The following HPCAL1 variants were observed in gnomAD, a reference collection of about 807,000 sequenced individuals.
The protein encoded by HPCAL1 is hippocalcin-like protein 1.
Under a neutral mutation model 17.1 loss-of-function variants are expected in HPCAL1, and 8 were observed. That is an observed-to-expected ratio of 0.47 (90% CI 0.27 to 0.84). HPCAL1 has a LOEUF of 0.84. HPCAL1 is among the 40% of genes least tolerant of loss of function. The pLI, the probability that HPCAL1 is intolerant of heterozygous loss-of-function variation, is 0.13. For synonymous variants in HPCAL1, 112 were observed against 111.4 expected, an observed-to-expected ratio of 1.01 and a Z score of -0.03; for missense variants, 165 against 271.1, an observed-to-expected ratio of 0.61 and a Z score of 2.75.
chr2:10,368,572 A>C (rs139776474), intron 1 of HPCAL1: 101 of 152,328 alleles, frequency 6.6e-4, no homozygotes, highest in African/African-American at 2.4e-3. Context: ...AGCTCAGTGC[A>C]GTTCGTCCAC....
rs960180738 is a variant in HPCAL1, at chr2:10,344,454, C to T, written c.-111+41277C>T. ...ACATCTGTTAAGCGCATGCACCAAG[C>T]GGCGATTCCATAGTTGTATAGTGAT... On this transcript the variant is annotated intron_variant, in intron 1 of 4. Transcript: ENST00000307845. This position sits in a 1 kb window ranked among gnomAD's most constrained non-coding sequence, Gnocchi z 4.9. Among the ~76,000 whole-genome samples, 6 of 152,308 alleles carry T rather than the reference C, an allele frequency of 3.9e-5. No individual in the cohort carries two copies. Among genetic ancestry groups the T allele is most frequent in the Middle Eastern group, 3.4e-3 (1 of 294 alleles).
intron 1 of HPCAL1, among the ~76,000 whole-genome samples, chr2:10,320,576 A>T (rs887100994): frequency 1.3e-5 from 2 of 152,124 alleles, no homozygotes; most frequent in African/African-American, 4.8e-5. Context: ...TTTATAAATT[A>T]CCCAGTCTCA....
chr2:10,399,543 A>ACCACCG (rs1558518819), intron 2 of HPCAL1, among the ~76,000 whole-genome samples: 2 of 99,428 alleles, frequency 2.0e-5, no homozygotes, highest in African/African-American at 1.1e-4. Context: ...CACCGCCACC[A>ACCACCG]TCACCGCCAC....
intron 1 of HPCAL1, among the ~76,000 whole-genome samples, chr2:10,321,877 A>C (rs561155582): frequency 6.6e-6 from 1 of 152,330 alleles, no homozygotes; most frequent in African/African-American, 2.4e-5. Flanking sequence ...CTGTTGATGA[A>C]CATTTGGGCT....
At chr2:10,398,736 C>G (rs2125580454) in intron 2 of HPCAL1, among the ~76,000 whole-genome samples, 1 of 152,306 alleles carries the variant, frequency 6.6e-6, no homozygotes, top group East Asian at 1.9e-4. Flanking sequence ...CTGCCTTCCT[C>G]TTCCTGAGGG....
At chr2:10,404,527 C>T (rs1320167130) in intron 2 of HPCAL1, among the ~76,000 whole-genome samples, 1 of 152,238 alleles carries the variant, frequency 6.6e-6, no homozygotes, top group East Asian at 1.9e-4. Flanking sequence ...AAGCAGTCAG[C>T]AGCCACAGAC....
Position 10,362,320 on chromosome 2 carries a change from G to A in HPCAL1, c.-110-34515G>A, listed in dbSNP as rs922382052. On this transcript the variant is annotated intron_variant, in intron 1 of 4. Transcript: ENST00000307845. This position sits in a 1 kb window ranked among gnomAD's most constrained non-coding sequence, Gnocchi z 5.0. The stretch of plus-strand genomic sequence containing the variant: ...GTCCTGGAGTGGCAGCATGGGGGGC[G>A]GGGGCAGGAGCATGGGGGACAACAG... Among the ~76,000 whole-genome samples the A allele has an allele frequency of 6.6e-6, 1 of 152,116 alleles. No homozygotes were observed. The highest frequency in any genetic ancestry group is 6.5e-5 in the Admixed American group (1 of 15,278).
chr2:10,324,964 A>T (rs999001865), intron 1 of HPCAL1, among the ~76,000 whole-genome samples: 1 of 150,178 alleles, frequency 6.7e-6, no homozygotes, highest in South Asian at 2.1e-4. Flanking sequence ...CTGGGATTGC[A>T]GGCCTGCACC....
At chr2:10,347,413 CTGA>C (rs915168219) in intron 1 of HPCAL1, among the ~76,000 whole-genome samples, 1 of 152,200 alleles carries the variant, frequency 6.6e-6, no homozygotes, top group African/African-American at 2.4e-5. Context: ...CCCCCAGCGC[CTGA>C]TAATGGTCAC....
intron 1 of HPCAL1, among the ~76,000 whole-genome samples, chr2:10,347,500 A>C (rs1665547106): frequency 6.6e-6 from 1 of 152,130 alleles, no homozygotes; most frequent in African/African-American, 2.4e-5. Flanking sequence ...AAAGAGGTTT[A>C]AAATGGCCAC....
intron 2 of HPCAL1, among the ~76,000 whole-genome samples, chr2:10,410,436 C>CATT (rs1553360283): frequency 3.9e-5 from 3 of 77,496 alleles, no homozygotes; most frequent in Non-Finnish European, 4.6e-5. Context: ...TCTTCTTCTT[C>CATT]TTTTTTTTTT....
chr2:10,341,179 AGTGCTGGG>A (rs1226279869), intron 1 of HPCAL1, among the ~76,000 whole-genome samples: 1 of 151,942 alleles, frequency 6.6e-6, no homozygotes, highest in African/African-American at 2.4e-5. Flanking sequence ...GCTGGGGTGC[AGTGCTGGG>A]GTGCTGGGGT....
chr2:10,327,671 T>A (rs561281032), intron 1 of HPCAL1, among the ~76,000 whole-genome samples: 6 of 152,318 alleles, frequency 3.9e-5, no homozygotes, highest in African/African-American at 1.4e-4. Context: ...GGTATTTATT[T>A]TAAGACTAGG....
At position 10,420,097 on chromosome 2, in the gene HPCAL1, G is replaced by A. The variant is rs749169222; in HGVS notation, c.340G>A (p.Gly114Ser). 2 of 1,613,160 alleles carry A rather than the reference G, an allele frequency of 1.2e-6. No individual in the cohort carries two copies. Among genetic ancestry groups the A allele is most frequent in the African/African-American group, 1.3e-5 (1 of 75,004 alleles). ...AFSMYDLDGNGYISRSEMLEI... is the reference protein window; with the variant it reads ...AFSMYDLDGNSYISRSEMLEI... ...CAGCATGTACGACCTGGACGGCAAC[G>A]GCTACATCAGCCGCAGCGAGATGCT... Residue 114 changes from glycine to serine, a missense_variant, in exon 3 of 5, where the codon GGC (glycine) becomes AGC (serine). Physicochemically the swap from Gly to Ser is moderately conservative, Grantham distance 56. Transcript: ENST00000307845.
At chr2:10,387,900 C>T (rs892948429) in intron 1 of HPCAL1, among the ~76,000 whole-genome samples, 4 of 152,182 alleles carry the variant, frequency 2.6e-5, no homozygotes, top group Admixed American at 6.6e-5. Context: ...CTTTTCTTTT[C>T]TCCTTTGCAG....
intron 1 of HPCAL1, among the ~76,000 whole-genome samples, chr2:10,373,688 G>GC (rs948931014): frequency 1.3e-5 from 2 of 151,998 alleles, no homozygotes; most frequent in African/African-American, 4.8e-5. Flanking sequence ...TCGAGCAGCT[G>GC]CCCCCTCTCA....
intron 1 of HPCAL1, among the ~76,000 whole-genome samples, chr2:10,328,180 C>T (rs1664136106): frequency 6.6e-6 from 1 of 152,102 alleles, no homozygotes; most frequent in Non-Finnish European, 1.5e-5. Context: ...AAGGTGATGG[C>T]CAGGATCTCA....
At chr2:10,387,972 G>T (rs1026281717) in intron 1 of HPCAL1, among the ~76,000 whole-genome samples, 1 of 152,146 alleles carries the variant, frequency 6.6e-6, no homozygotes, top group Non-Finnish European at 1.5e-5. Context: ...CAGGTGAATG[G>T]CCATGCAGGG....
rs150188129 is a variant in HPCAL1 at position 10,377,846 on chromosome 2, G to T, written c.-110-18989G>T. Among the ~76,000 whole-genome samples, 1 of 152,208 alleles carries T rather than the reference G, an allele frequency of 6.6e-6. No homozygotes were observed. The highest frequency in any genetic ancestry group is 1.5e-5 in the Non-Finnish European group (1 of 68,034). On this transcript the variant is annotated intron_variant, in intron 1 of 4. Coordinates refer to ENST00000307845, the MANE Select transcript of HPCAL1 (RefSeq NM_002149.4). This position sits in a 1 kb window ranked among gnomAD's most constrained non-coding sequence, Gnocchi z 5.9. Reference sequence around the variant, plus strand: ...AGCCACCGAGGGGGGCCAGGCACGGGGGAGGGTATTCAAGGGCGGCAAGCC... The same window carrying T: ...AGCCACCGAGGGGGGCCAGGCACGGTGGAGGGTATTCAAGGGCGGCAAGCC...
Sources: gnomAD v4.1 joint callset for allele counts (sites outside exome capture counted in the v4.1 genomes callset) on GRCh38, gnomAD v4.1.1 for gene constraint, Gnocchi (gnomAD v3.1) non-coding constraint, MANE v1.5 for transcripts, NCBI Gene and HGNC (gene_info 2026-07-23, HGNC 2026-07-21) for gene names.